TMEM218: variants seen among roughly 807,000 people sequenced by gnomAD.
TMEM218 encodes the protein transmembrane protein 218.
TMEM218 carries 8 observed loss-of-function variants against 10.0 expected under a neutral mutation model. That is an observed-to-expected ratio of 0.80 (90% CI 0.47 to 1.44). TMEM218 has a LOEUF of 1.44. Among genes scored for constraint, TMEM218 ranks in the 40% most tolerant of loss-of-function variants. The pLI, the probability that TMEM218 is intolerant of heterozygous loss-of-function variation, is 0.00. For synonymous variants in TMEM218, 66 were observed against 63.5 expected (o/e 1.04, Z -0.18); for missense variants, 110 against 140.1 (o/e 0.79, Z 1.08).
intron 4 of TMEM218, among the ~76,000 whole-genome samples, chr11:125,100,454 C>T (rs567332775): frequency 6.6e-6 from 1 of 152,192 alleles, no homozygotes; most frequent in Non-Finnish European, 1.5e-5. Flanking sequence ...ACACGGAAAT[C>T]CCTTAAAGAA....
In TMEM218 at chr11:125,102,798, A is replaced by C; in HGVS notation, c.-141T>G. On this transcript the variant is annotated 5_prime_UTR_variant, in exon 2 of 5. Transcript: ENST00000682305. ...GTCGAGTTCTTATTCAAGAGGATGA[A>C]AACTCCCAGTCCTTAAAGAAGAGGA... is the stretch of plus-strand genomic sequence containing the variant. 1.0e-6 allele frequency: 1 copy of C among 959,374 alleles called. No homozygotes were observed. Among genetic ancestry groups the C allele is most frequent in the Non-Finnish European group, 1.4e-6 (1 of 706,870 alleles). 59.4% of individuals were successfully genotyped at this position (959,374 alleles called of 1,614,324 possible).
Position 125,094,616 on chromosome 11 carries a change from T to C in TMEM218, c.*2990A>G, listed in dbSNP as rs1331169244. The stretch of plus-strand genomic sequence containing the variant: ...GAAACTTTTTAAATCCCTTGTCCTC[T>C]CTGCCTGTTTCTCATCTGTAAAATA... On this transcript the variant is annotated 3_prime_UTR_variant, in exon 5 of 5. Coordinates refer to ENST00000682305, the MANE Select transcript of TMEM218 (RefSeq NM_001258244.2). Among the ~76,000 whole-genome samples the C allele has an allele frequency of 2.0e-5, 3 of 149,848 alleles. No individual in the cohort carries two copies. The highest frequency in any genetic ancestry group is 7.5e-5 in the African/African-American group (3 of 40,064).
At chr11:125,101,901 A>G (rs1179311041) in intron 3 of TMEM218, 2 of 539,020 alleles carry the variant, frequency 3.7e-6, no homozygotes, top group African/African-American at 3.9e-5. Context: ...CAGTGAAAGC[A>G]GAGTTTCTTG....
intron 4 of TMEM218, among the ~76,000 whole-genome samples, chr11:125,099,018 A>G (rs1236260514): frequency 6.6e-6 from 1 of 152,214 alleles, no homozygotes; most frequent in African/African-American, 2.4e-5. Flanking sequence ...AGTGAGACTG[A>G]TGTTGGACTC....
intron 1 of TMEM218, among the ~76,000 whole-genome samples, chr11:125,106,839 C>T (rs536095336): frequency 2.0e-5 from 3 of 152,238 alleles, no homozygotes; most frequent in Non-Finnish European, 4.4e-5. Context: ...TAGGTGTATT[C>T]CCAACAGAAA....
chr11:125,110,267 G>A (rs1031980450), intron 1 of TMEM218, among the ~76,000 whole-genome samples: 6 of 152,186 alleles, frequency 3.9e-5, no homozygotes, highest in Admixed American at 3.3e-4. Flanking sequence ...TGGCCAACCC[G>A]ATTTCAAGGG....
intron 4 of TMEM218, among the ~76,000 whole-genome samples, chr11:125,098,400 C>G (rs963781058): frequency 6.6e-6 from 1 of 152,184 alleles, no homozygotes; most frequent in Non-Finnish European, 1.5e-5. Flanking sequence ...CTGACAAAAC[C>G]CTATAATTGG....
At chr11:125,102,388 T>A in intron 2 of TMEM218, 71 bp from the exon 3 acceptor site, 1 of 1,525,220 alleles carries the variant, frequency 6.6e-7, no homozygotes, top group Admixed American at 2.1e-5. Context: ...ATGATCAGTG[T>A]GTTAGGAGGA....
At chr11:125,099,582 C>G (rs1950309002) in intron 4 of TMEM218, among the ~76,000 whole-genome samples, 1 of 152,206 alleles carries the variant, frequency 6.6e-6, no homozygotes, top group Non-Finnish European at 1.5e-5. Flanking sequence ...ATGTTTACAT[C>G]TGCAGCATCC....
rs1173021911 is a variant in TMEM218 at position 125,094,526 on chromosome 11, C to T, written c.*3080G>A. On this transcript the variant is annotated 3_prime_UTR_variant, in exon 5 of 5. Coordinates refer to ENST00000682305, the MANE Select transcript of TMEM218 (RefSeq NM_001258244.2). ...TTGAAAGTCAAAAGTGATCTTTCAA[C>T]TATTTGAGAAATGAGATGTCAGGAA... Among the ~76,000 whole-genome samples the T allele has an allele frequency of 1.3e-5, 2 of 152,202 alleles. No homozygotes were observed. The highest frequency in any genetic ancestry group is 1.3e-4 in the Admixed American group (2 of 15,288).
Position 125,097,307 on chromosome 11 carries a change from C to T in TMEM218, c.*299G>A, listed in dbSNP as rs1344252268. On this transcript the variant is annotated 3_prime_UTR_variant, in exon 5 of 5. Transcript: ENST00000682305. ...CTTACTAAGGACTTGAGTGAAAATC[C>T]ACTCTAAGCAGATCACTGTTACTAT... 4.6e-5 allele frequency: 10 copies of T among 218,144 alleles called. No individual in the cohort carries two copies. Among genetic ancestry groups the T allele is most frequent in the Non-Finnish European group, 8.0e-5 (9 of 111,912 alleles). The allele number at this position is 218,144 out of a possible 1,614,324, so 13.5% of individuals were successfully genotyped here.
In TMEM218 at chr11:125,096,219, T is replaced by C. The variant is rs565338744; in HGVS notation, c.*1387A>G. 6.6e-6 allele frequency among the ~76,000 whole-genome samples: 1 copy of C among 152,200 alleles called. No individual in the cohort carries two copies. Among genetic ancestry groups the C allele is most frequent in the African/African-American group, 2.4e-5 (1 of 41,456 alleles). On this transcript the variant is annotated 3_prime_UTR_variant, in exon 5 of 5. Coordinates refer to ENST00000682305, the MANE Select transcript of TMEM218 (RefSeq NM_001258244.2). ...TACCTGGCCCTCACCAGCCCATGAC[T>C]CTCAGTGGTTACCTGTTCTCTCTTC...
intron 1 of TMEM218, among the ~76,000 whole-genome samples, chr11:125,110,262 A>G (rs1264123006): frequency 2.0e-5 from 3 of 152,252 alleles, no homozygotes; most frequent in Non-Finnish European, 2.9e-5. Context: ...TGGCTTGGCC[A>G]ACCCGATTTC....
At chr11:125,109,086 C>T (rs773250068) in intron 1 of TMEM218, among the ~76,000 whole-genome samples, 1 of 152,020 alleles carries the variant, frequency 6.6e-6, no homozygotes, top group African/African-American at 2.4e-5. Context: ...CAGGAAAAAA[C>T]CTAAATGTCC....
intron 3 of TMEM218, chr11:125,101,775 G>A (rs1950848868): frequency 2.1e-6 from 1 of 476,018 alleles, no homozygotes; most frequent in Non-Finnish European, 3.6e-6. Context: ...CTCATCAAAT[G>A]TTGCTTTCGT....
At chr11:125,103,548 T>C (rs1285546050) in intron 1 of TMEM218, 1 of 152,330 alleles carries the variant, frequency 6.6e-6, no homozygotes, top group African/African-American at 2.4e-5. Context: ...TGTCTTCACA[T>C]TTTCTGTCTC....
At chr11:125,098,303 A>C (rs1004186373) in intron 4 of TMEM218, among the ~76,000 whole-genome samples, 2 of 152,194 alleles carry the variant, frequency 1.3e-5, no homozygotes, top group Admixed American at 6.5e-5. Context: ...TGAGATACTA[A>C]AACACTAAAA....
chr11:125,109,997 T>G (rs1331755586), intron 1 of TMEM218, among the ~76,000 whole-genome samples: 1 of 152,232 alleles, frequency 6.6e-6, no homozygotes, highest in Non-Finnish European at 1.5e-5. Context: ...CCAAGCTCTT[T>G]TAAGAATGGA....
intron 4 of TMEM218, 70 bp downstream of exon 4, chr11:125,101,131 A>T (rs1950664478): frequency 7.8e-6 from 10 of 1,280,274 alleles, no homozygotes; most frequent in African/African-American, 1.5e-5. Flanking sequence ...CATCAAGGGC[A>T]GGACGGATGT....
Sources: gnomAD v4.1 joint callset for allele counts (sites outside exome capture counted in the v4.1 genomes callset) on GRCh38, gnomAD v4.1.1 for gene constraint, MANE v1.5 for transcripts, NCBI Gene and HGNC (gene_info 2026-07-23, HGNC 2026-07-21) for gene names.